The following NAALADL2 variants were observed in gnomAD, a reference collection of about 807,000 sequenced individuals.
NAALADL2 encodes the protein inactive N-acetylated-alpha-linked acidic dipeptidase-like protein 2.
In NAALADL2, 76 loss-of-function variants were observed where a neutral mutation model predicts 87.2. The observed-to-expected ratio is 0.87, with a 90% CI of 0.72 to 1.05. The LOEUF (loss-of-function observed/expected upper bound fraction) is 1.05. NAALADL2 is among the 50% of genes least tolerant of loss of function. The pLI is 0.00. For synonymous variants in NAALADL2, 354 were observed against 331.0 expected (o/e 1.07, Z -0.75); for missense variants, 1,089 against 945.8 (o/e 1.15, Z -1.99).
intron 1 of NAALADL2, among the ~76,000 whole-genome samples, chr3:174,947,487 T>C (rs1739620961): frequency 6.6e-6 from 1 of 152,142 alleles, no homozygotes; most frequent in Admixed American, 6.5e-5. Context: ...GGAATGGTAG[T>C]ATTGTAATTT....
At chr3:175,506,526 A>G (rs1372361797) in intron 9 of NAALADL2, among the ~76,000 whole-genome samples, 6 of 152,200 alleles carry the variant, frequency 3.9e-5, no homozygotes, top group Non-Finnish European at 8.8e-5. Context: ...ATATTCAGAT[A>G]TAGGTTGAAA....
At chr3:175,786,697 T>G (rs1031978322) in intron 13 of NAALADL2, among the ~76,000 whole-genome samples, 21 of 152,296 alleles carry the variant, frequency 1.4e-4, no homozygotes, top group Non-Finnish European at 2.5e-4. Flanking sequence ...TCTTCTCTCA[T>G]CTCGTCAAAG....
rs374018909 is a variant in NAALADL2 at position 175,488,420 on chromosome 3, G to A, written c.1653+16662G>A. ...TTACTCAGAAATAATTTCTATGCCA[G>A]CTTTTCCATTTGTCTGGTGTGTAGG... On this transcript the variant is annotated intron_variant, in intron 9 of 13. Transcript: ENST00000454872. 2.4e-4 allele frequency among the ~76,000 whole-genome samples: 36 copies of A among 152,360 alleles called. No individual in the cohort carries two copies. The South Asian group carries it at 7.0e-3, about 30-fold the overall frequency.
At chr3:175,505,958 A>G (rs566003503) in intron 9 of NAALADL2, among the ~76,000 whole-genome samples, 6 of 152,280 alleles carry the variant, frequency 3.9e-5, no homozygotes, top group African/African-American at 1.4e-4. Flanking sequence ...GTATCACTTC[A>G]AGACCAATCA....
intron 1 of NAALADL2, among the ~76,000 whole-genome samples, chr3:174,875,032 G>A (rs1042496251): frequency 1.4e-5 from 2 of 143,940 alleles, no homozygotes; most frequent in African/African-American, 5.1e-5. Context: ...AGGATTGTTT[G>A]AGCCCAGGAG....
intron 1 of NAALADL2, among the ~76,000 whole-genome samples, chr3:174,972,783 G>A (rs1229742175): frequency 6.6e-6 from 1 of 151,990 alleles, no homozygotes; most frequent in East Asian, 1.9e-4. Context: ...GTCACCTGAG[G>A]TCAGGAGTTC....
At chr3:175,737,514 C>A (rs1057416113) in intron 12 of NAALADL2, 115 bp downstream of exon 12, 18 of 663,844 alleles carry the variant, frequency 2.7e-5, no homozygotes, top group Non-Finnish European at 4.4e-5. Context: ...TGCTGTGCTT[C>A]CTGGAGAGGC....
At chr3:174,491,523 C>G (rs907350758) in intron 1 of NAALADL2, among the ~76,000 whole-genome samples, 3 of 152,086 alleles carry the variant, frequency 2.0e-5, no homozygotes, top group Non-Finnish European at 2.9e-5. Context: ...CTTACTTGTG[C>G]TCCATTGTCA....
chr3:175,065,030 A>G (rs1448257223), intron 1 of NAALADL2, among the ~76,000 whole-genome samples: 1 of 152,088 alleles, frequency 6.6e-6, no homozygotes, highest in Non-Finnish European at 1.5e-5. Context: ...TATCAGAGTA[A>G]AAAGTGAGAA....
At chr3:175,682,897 T>A (rs2149887967) in intron 11 of NAALADL2, among the ~76,000 whole-genome samples, 1 of 152,164 alleles carries the variant, frequency 6.6e-6, no homozygotes, top group Admixed American at 6.5e-5. Flanking sequence ...CTGACATAAC[T>A]GTATAAAATG....
chr3:175,444,785 G>A (rs1055682310), intron 5 of NAALADL2, among the ~76,000 whole-genome samples: 25 of 152,238 alleles, frequency 1.6e-4, no homozygotes, highest in African/African-American at 5.8e-4. Flanking sequence ...AGGGAGCAAT[G>A]AAATTATGAG....
chr3:175,662,420 C>G (rs550714188), intron 11 of NAALADL2, among the ~76,000 whole-genome samples: 13 of 151,916 alleles, frequency 8.6e-5, no homozygotes, highest in Non-Finnish European at 1.6e-4. Flanking sequence ...AATATAAGAT[C>G]ATGGCACCTT....
intron 13 of NAALADL2, among the ~76,000 whole-genome samples, chr3:175,758,102 T>A (rs9814268): frequency 6.6e-6 from 1 of 152,068 alleles, no homozygotes; most frequent in African/African-American, 2.4e-5. Flanking sequence ...CTCAATTTAC[T>A]TTATCATGCA....
intron 5 of NAALADL2, among the ~76,000 whole-genome samples, chr3:175,444,185 A>G (rs976404143): frequency 1.3e-5 from 2 of 152,214 alleles, no homozygotes; most frequent in African/African-American, 4.8e-5. Context: ...ATACAATCAT[A>G]CAGCATCTTA....
At chr3:175,708,986 T>TC (rs11434117) in intron 11 of NAALADL2, among the ~76,000 whole-genome samples, 40,361 of 151,840 alleles carry the variant, frequency 0.27, 7,305 homozygotes, top group African/African-American at 0.52. Flanking sequence ...ATGCTGTACT[T>TC]TACAACAGCT....
chr3:175,679,210 C>G (rs999382994), intron 11 of NAALADL2, among the ~76,000 whole-genome samples: 4 of 149,762 alleles, frequency 2.7e-5, no homozygotes, highest in South Asian at 2.1e-4. Flanking sequence ...CTGCAGGTCA[C>G]GGGATATGAT....
intron 2 of NAALADL2, among the ~76,000 whole-genome samples, chr3:174,714,066 C>T (rs1730947299): frequency 6.6e-6 from 1 of 152,020 alleles, no homozygotes; most frequent in Non-Finnish European, 1.5e-5. Context: ...GAATCCTTTC[C>T]CCATTTCTTG....
chr3:175,426,317 T>C (rs887977395), intron 5 of NAALADL2, among the ~76,000 whole-genome samples: 1 of 152,206 alleles, frequency 6.6e-6, no homozygotes, highest in Middle Eastern at 3.4e-3. Context: ...GAGCCACAAT[T>C]TGGCCACTGC....
intron 5 of NAALADL2, among the ~76,000 whole-genome samples, chr3:175,346,034 G>T (rs1315228667): frequency 2.0e-5 from 3 of 152,124 alleles, no homozygotes; most frequent in Non-Finnish European, 4.4e-5. Flanking sequence ...TCATGAGAAA[G>T]TGTATATCAG....
Sources: allele counts gnomAD v4.1 joint callset (sites outside exome capture counted in the v4.1 genomes callset), GRCh38; gene constraint gnomAD v4.1.1; transcripts MANE v1.5; gene names NCBI Gene and HGNC (gene_info 2026-07-23, HGNC 2026-07-21).